Variants in RIT2 observed in about 807,000 individuals in gnomAD.
RIT2 encodes GTP-binding protein Rit2.
A neutral mutation model predicts 23.7 loss-of-function variants in RIT2; 24 were observed. The ratio of observed to expected loss-of-function variants is 1.01; its 90% CI spans 0.73 to 1.43. The LOEUF (loss-of-function observed/expected upper bound fraction) is 1.43. RIT2 is among the 40% of genes most tolerant of loss of function. RIT2 has a pLI of 0.00. For synonymous variants in RIT2, 107 were observed against 91.1 expected (o/e 1.17, Z -0.99); for missense variants, 236 against 266.9 (o/e 0.88, Z 0.81).
At chr18:42,889,714 C>T (rs190031184) in intron 4 of RIT2, among the ~76,000 whole-genome samples, 6 of 151,906 alleles carry the variant, frequency 3.9e-5, no homozygotes, top group East Asian at 1.9e-4. Flanking sequence ...AAATGTATAC[C>T]GCCATCAAAC....
intron 4 of RIT2, among the ~76,000 whole-genome samples, chr18:42,888,992 AC>A (rs1408489144): frequency 6.6e-6 from 1 of 151,898 alleles, no homozygotes; most frequent in Non-Finnish European, 1.5e-5. Flanking sequence ...AACACTCCAA[AC>A]CCCACCATCA....
At chr18:42,821,610 G>T (rs915397050) in intron 4 of RIT2, among the ~76,000 whole-genome samples, 2 of 152,018 alleles carry the variant, frequency 1.3e-5, no homozygotes, top group South Asian at 2.1e-4. Context: ...TAGACATCCC[G>T]CAATGCACAG....
intron 3 of RIT2, among the ~76,000 whole-genome samples, chr18:42,930,346 G>T (rs555681367): frequency 3.8e-4 from 57 of 151,592 alleles, no homozygotes; most frequent in African/African-American, 9.2e-4. Context: ...AAGAAAAGGG[G>T]GGAAATCCTT....
At chr18:42,864,027 G>A (rs544328209) in intron 4 of RIT2, among the ~76,000 whole-genome samples, 131 of 146,870 alleles carry the variant, frequency 8.9e-4, no homozygotes, top group Admixed American at 1.9e-3. Context: ...TGAATGACAA[G>A]ATTGTATAAG....
At chr18:43,023,196 C>T (rs1911636301) in intron 2 of RIT2, among the ~76,000 whole-genome samples, 1 of 152,030 alleles carries the variant, frequency 6.6e-6, no homozygotes, top group Non-Finnish European at 1.5e-5. Flanking sequence ...AGAAACTTCA[C>T]ATAGTAGATT....
At chr18:42,934,444 G>A (rs1909404110) in intron 3 of RIT2, among the ~76,000 whole-genome samples, 1 of 152,082 alleles carries the variant, frequency 6.6e-6, no homozygotes, top group Admixed American at 6.6e-5. Context: ...GAAAAATATG[G>A]GGATAATGGA....
intron 2 of RIT2, among the ~76,000 whole-genome samples, chr18:42,995,986 C>T (rs933486328): frequency 2.0e-5 from 3 of 152,300 alleles, no homozygotes; most frequent in African/African-American, 7.2e-5. Context: ...CCACTCTTAA[C>T]TCTTAAAGTA....
intron 2 of RIT2, among the ~76,000 whole-genome samples, chr18:43,018,233 G>A (rs1911518221): frequency 6.6e-6 from 1 of 152,032 alleles, no homozygotes; most frequent in Non-Finnish European, 1.5e-5. Context: ...AGAGAAAGAG[G>A]CAGAAGGCAT....
intron 4 of RIT2, among the ~76,000 whole-genome samples, chr18:42,854,864 G>A (rs1907142358): frequency 6.6e-6 from 1 of 152,068 alleles, no homozygotes; most frequent in Admixed American, 6.5e-5. Context: ...CCTTCCTGCA[G>A]GACCCAACTT....
chr18:42,947,187 A>G lies in RIT2; in HGVS notation c.235-23424T>C, dbSNP rs1909748386. Among the ~76,000 whole-genome samples, 3 of 152,244 alleles carry G rather than the reference A, an allele frequency of 2.0e-5. No homozygotes were observed. In the South Asian group the frequency reaches 6.2e-4, roughly 32 times the overall value. On this transcript the variant is annotated intron_variant, in intron 3 of 4. Coordinates refer to ENST00000326695, the MANE Select transcript of RIT2 (RefSeq NM_002930.4). ...GGGGAAAACTGACCTTCAAGAGGAC[A>G]TAAAACTATTAGGAAAGAGAAGGAT...
At chr18:42,818,453 C>T (rs1004003507) in intron 4 of RIT2, among the ~76,000 whole-genome samples, 2 of 152,030 alleles carry the variant, frequency 1.3e-5, no homozygotes, top group Non-Finnish European at 2.9e-5. Flanking sequence ...CTGTACAGTG[C>T]TAACCCTTTC....
chr18:42,957,673 A>C (rs1386242815), intron 3 of RIT2, among the ~76,000 whole-genome samples: 1 of 152,080 alleles, frequency 6.6e-6, no homozygotes, highest in Non-Finnish European at 1.5e-5. Context: ...AATACCAGCT[A>C]CTTGGGAGGG....
chr18:42,787,140 C>A (rs1188917518), intron 4 of RIT2, among the ~76,000 whole-genome samples: 3 of 110,282 alleles, frequency 2.7e-5, no homozygotes, highest in African/African-American at 3.5e-5. Context: ...TCCCCCCACC[C>A]CACGACAGGC....
At chr18:42,892,178 C>T (rs2144095221) in intron 4 of RIT2, among the ~76,000 whole-genome samples, 1 of 152,278 alleles carries the variant, frequency 6.6e-6, no homozygotes, top group African/African-American at 2.4e-5. Context: ...TAATCTTTTG[C>T]TTCTGAACTC....
intron 1 of RIT2, among the ~76,000 whole-genome samples, chr18:43,107,823 T>G (rs117959345): frequency 1.3e-5 from 2 of 152,196 alleles, no homozygotes; most frequent in East Asian, 3.9e-4. Flanking sequence ...ATTAAAAATA[T>G]TAAAATATTT....
intron 2 of RIT2, among the ~76,000 whole-genome samples, chr18:43,002,642 C>G (rs181842304): frequency 8.6e-5 from 13 of 151,914 alleles, no homozygotes; most frequent in African/African-American, 2.7e-4. Flanking sequence ...CATTGATGAG[C>G]CACCGGGGAG....
intron 2 of RIT2, among the ~76,000 whole-genome samples, chr18:42,999,821 A>G (rs910390442): frequency 6.6e-6 from 1 of 152,086 alleles, no homozygotes; most frequent in Non-Finnish European, 1.5e-5. Context: ...GAAGAATGGC[A>G]AAAACGGCAG....
At chr18:43,080,894 C>G (rs550821932) in intron 1 of RIT2, among the ~76,000 whole-genome samples, 1 of 152,088 alleles carries the variant, frequency 6.6e-6, no homozygotes, top group Non-Finnish European at 1.5e-5. Context: ...ATTTACTATC[C>G]AAACTAGGAC....
intron 1 of RIT2, among the ~76,000 whole-genome samples, chr18:43,054,498 T>C (rs546627245): frequency 6.6e-6 from 1 of 151,968 alleles, no homozygotes; most frequent in South Asian, 2.1e-4. Context: ...GAAGCATAAT[T>C]ACACACCAGA....
Sources: allele counts gnomAD v4.1 joint callset (sites outside exome capture counted in the v4.1 genomes callset), GRCh38; gene constraint gnomAD v4.1.1; transcripts MANE v1.5; gene names NCBI Gene and HGNC (gene_info 2026-07-23, HGNC 2026-07-21).